The following LOXHD1 variants were observed in gnomAD, a reference collection of about 807,000 sequenced individuals.
LOXHD1 encodes lipoxygenase homology domain-containing protein 1.
In LOXHD1, 205 loss-of-function variants were observed where a neutral mutation model predicts 248.2. That is an observed-to-expected ratio of 0.83 (90% confidence interval 0.74 to 0.93). The LOEUF is 0.93. LOXHD1 is among the 40% of genes least tolerant of loss of function. The probability of loss-of-function intolerance (pLI) is 0.00; values close to 1 mark genes in which losing one functional copy is unlikely to be tolerated. For missense variants in LOXHD1, 2,930 were observed against 2,971.6 expected, an observed-to-expected ratio of 0.99 and a Z score of 0.33; for synonymous variants, 1,113 against 1,162.8, an observed-to-expected ratio of 0.96 and a Z score of 0.87.
chr18:46,517,639 T>C (rs1007282593), intron 34 of LOXHD1, among the ~76,000 whole-genome samples: 2 of 152,202 alleles, frequency 1.3e-5, no homozygotes, highest in Admixed American at 6.5e-5. Context: ...CCTGAGTCAG[T>C]GCCTGGCATA....
At chr18:46,555,078 G>T (rs956439370) in intron 21 of LOXHD1, 13 of 470,292 alleles carry the variant, frequency 2.8e-5, no homozygotes, top group African/African-American at 6.0e-5. Flanking sequence ...TGTTTAAATT[G>T]TTGGGCTAGC....
intron 23 of LOXHD1, among the ~76,000 whole-genome samples, chr18:46,544,402 G>T (rs2144390634): frequency 6.6e-6 from 1 of 152,306 alleles, no homozygotes; most frequent in Non-Finnish European, 1.5e-5. Flanking sequence ...AAAAGCAGTT[G>T]CCAAAGCCGA....
chr18:46,558,334 A>G (rs929905271), intron 20 of LOXHD1, among the ~76,000 whole-genome samples: 13 of 152,244 alleles, frequency 8.5e-5, no homozygotes, highest in African/African-American at 2.7e-4. Flanking sequence ...GAACAAGGAT[A>G]TTCTCATATA....
intron 18 of LOXHD1, 23 bp downstream of exon 18, chr18:46,563,042 C>T: frequency 6.6e-7 from 1 of 1,523,772 alleles, no homozygotes; most frequent in South Asian, 1.2e-5. Context: ...CTGTTGGCAC[C>T]CCCGCTCCTC....
At chr18:46,560,052 T>TGCCCCCCCCCCCCCCCC in intron 19 of LOXHD1, 31 bp downstream of exon 19, 2 of 441,130 alleles carry the variant, frequency 4.5e-6, no homozygotes, top group Non-Finnish European at 3.6e-6. Flanking sequence ...GGCCACTCCC[T>TGCCCCCCCCCCCCCCCC]CCCCACCCCC....
chr18:46,483,999 T>C (rs2032818503), intron 39 of LOXHD1, among the ~76,000 whole-genome samples: 1 of 151,618 alleles, frequency 6.6e-6, no homozygotes, highest in Admixed American at 6.6e-5. Context: ...AGGATGGAGA[T>C]GGGGAGGGTG....
intron 8 of LOXHD1, among the ~76,000 whole-genome samples, chr18:46,597,073 A>G (rs2038267510): frequency 6.6e-6 from 1 of 152,194 alleles, no homozygotes; most frequent in Non-Finnish European, 1.5e-5. Flanking sequence ...TAAAACAATG[A>G]TATCTAATGT....
intron 21 of LOXHD1, among the ~76,000 whole-genome samples, chr18:46,551,075 G>A (rs62097071): frequency 0.32 from 48,608 of 151,106 alleles, 9,024 homozygotes; most frequent in East Asian, 0.43. Context: ...AAATTCCTGA[G>A]ATAACTCCTA....
At chr18:46,504,564 T>C (rs1406429509) in intron 37 of LOXHD1, among the ~76,000 whole-genome samples, 4 of 152,240 alleles carry the variant, frequency 2.6e-5, no homozygotes, top group South Asian at 4.1e-4. Flanking sequence ...GTTATTTTAT[T>C]GCCTTAAAGG....
intron 24 of LOXHD1, among the ~76,000 whole-genome samples, chr18:46,542,190 A>G (rs534548734): frequency 6.6e-6 from 1 of 152,330 alleles, no homozygotes; most frequent in East Asian, 1.9e-4. Context: ...AGGAGATGAC[A>G]GGAGAGTAGG....
At chr18:46,567,752 T>C (rs1209499128) in intron 16 of LOXHD1, among the ~76,000 whole-genome samples, 1 of 152,240 alleles carries the variant, frequency 6.6e-6, no homozygotes. Flanking sequence ...CATGTTGTTA[T>C]GAATGAGAAA....
At position 46,566,399 on chromosome 18, in the gene LOXHD1, C is replaced by A; in HGVS notation, c.2295G>T (p.Trp765Cys). Reference sequence around the variant, plus strand: ...CACGGATCTGAACGCTGCCCAGGAACCAGCTGGCATGCATGCCAGTGCTGT... The same window carrying A: ...CACGGATCTGAACGCTGCCCAGGAAACAGCTGGCATGCATGCCAGTGCTGT... Reference protein sequence around the residue: ...GHDSTGMHASWFLGSVQIRVP... With the variant: ...GHDSTGMHASCFLGSVQIRVP... The change falls in exon 17 of 41, where the codon TGG (tryptophan) becomes TGT (cysteine). Residue 765 changes from tryptophan (W) to cysteine (C), a missense_variant. Trp to Cys is a radical substitution (Grantham distance 215, BLOSUM62 -2). Coordinates refer to ENST00000642948, the MANE Select transcript of LOXHD1 (RefSeq NM_001384474.1). 1.3e-6 allele frequency: 2 copies of A among 1,551,442 alleles called. No individual in the cohort carries two copies. Among genetic ancestry groups the A allele is most frequent in the South Asian group, 1.2e-5 (1 of 84,060 alleles).
intron 34 of LOXHD1, among the ~76,000 whole-genome samples, chr18:46,511,431 G>A (rs946254032): frequency 1.3e-5 from 2 of 152,198 alleles, no homozygotes; most frequent in Admixed American, 6.5e-5. Flanking sequence ...CCTCTGCTCA[G>A]CAGCTGAGGC....
chr18:46,624,608 G>A lies in LOXHD1; in HGVS notation c.512-6318C>T, dbSNP rs114500444. ...CCCATTGCCTCTCAGCCAGGCTCTC[G>A]TCTACTGTCTCTTCCTCATTCTCCA... On this transcript the variant is annotated intron_variant, in intron 4 of 40. Transcript: ENST00000642948. Among the ~76,000 whole-genome samples, 1,092 of 152,172 alleles carry A rather than the reference G, an allele frequency of 7.2e-3. 3 individuals carry two copies. The highest frequency in any genetic ancestry group is 9.9e-3 in the African/African-American group (409 of 41,514).
intron 27 of LOXHD1, 26 bp from the exon 28 acceptor site, chr18:46,533,350 T>C: frequency 6.4e-7 from 1 of 1,550,492 alleles, no homozygotes; most frequent in South Asian, 1.2e-5. Flanking sequence ...AAAAGGAAAA[T>C]TAGCCCTTAA....
chr18:46,543,021 T>TA (rs2036632016), intron 23 of LOXHD1, among the ~76,000 whole-genome samples, 166 bp from the exon 24 acceptor site: 1 of 152,240 alleles, frequency 6.6e-6, no homozygotes, highest in Non-Finnish European at 1.5e-5. Context: ...GTGGGCATTT[T>TA]AAAAAATTTT....
chr18:46,526,048 T>C (rs762527989), intron 29 of LOXHD1, among the ~76,000 whole-genome samples: 2 of 152,002 alleles, frequency 1.3e-5, no homozygotes, highest in African/African-American at 2.4e-5. Context: ...TGCAGGTAAA[T>C]AGCAGCCAGT....
intron 34 of LOXHD1, among the ~76,000 whole-genome samples, chr18:46,513,341 C>T (rs947532748): frequency 3.3e-5 from 5 of 152,166 alleles, no homozygotes; most frequent in Admixed American, 1.3e-4. Context: ...AAAAGATATC[C>T]GTGTTCTAAA....
intron 4 of LOXHD1, among the ~76,000 whole-genome samples, chr18:46,631,770 G>A (rs995703707): frequency 1.3e-5 from 2 of 152,174 alleles, no homozygotes; most frequent in African/African-American, 2.4e-5. Context: ...TGCCCCACTG[G>A]GTCCTTGCAG....
Sources: gnomAD v4.1 joint callset for allele counts (sites outside exome capture counted in the v4.1 genomes callset) on GRCh38, gnomAD v4.1.1 for gene constraint, MANE v1.5 for transcripts, NCBI Gene and HGNC (gene_info 2026-07-23, HGNC 2026-07-21) for gene names.